The following DAB2IP variants were observed in gnomAD, a reference collection of about 807,000 sequenced individuals.
DAB2IP encodes the protein disabled homolog 2-interacting protein.
A neutral mutation model predicts 107.2 loss-of-function variants in DAB2IP; 28 were observed. That is an observed-to-expected ratio of 0.26 (90% CI 0.19 to 0.36). The LOEUF (loss-of-function observed/expected upper bound fraction) is 0.36, where lower values mean the gene tolerates loss of function less well. Among genes scored for constraint, DAB2IP ranks in the 10% least tolerant of loss-of-function variants. The pLI, the probability that DAB2IP is intolerant of heterozygous loss-of-function variation, is 1.00. For missense variants in DAB2IP, 1,400 were observed against 1,644.7 expected, an observed-to-expected ratio of 0.85 and a Z score of 2.57; for synonymous variants, 755 against 706.4, an observed-to-expected ratio of 1.07 and a Z score of -1.09.
chr9:121,731,907 C>T (rs895904559), intron 3 of DAB2IP, among the ~76,000 whole-genome samples: 2 of 152,242 alleles, frequency 1.3e-5, no homozygotes, highest in East Asian at 1.9e-4. Flanking sequence ...CCTCGGACCT[C>T]GTGTAGACAT....
chr9:121,751,995 T>C lies in DAB2IP; in HGVS notation c.363-5018T>C, dbSNP rs920707470. 4 of 985,392 alleles carry C rather than the reference T, an allele frequency of 4.1e-6. No individual in the cohort carries two copies. The East Asian group carries it at 3.4e-4, about 84-fold the overall frequency. The allele number at this position is 985,392 out of a possible 1,614,324, so 61.0% of individuals were successfully genotyped here. A position where few individuals can be genotyped will look rare whatever the true frequency, so the allele number is the denominator to read the frequency against. On this transcript the variant is annotated intron_variant, in intron 3 of 15. Transcript: ENST00000408936. ...CCATGGAGGACAGGTAAAGGGTCTC[T>C]AGTCCCTGGAGCGCTGTCATGGGGC...
chr9:121,665,985 C>G (rs1411088272), intron 1 of DAB2IP, among the ~76,000 whole-genome samples: 1 of 152,188 alleles, frequency 6.6e-6, no homozygotes, highest in Non-Finnish European at 1.5e-5. Flanking sequence ...ACTTGTAACT[C>G]AAAGCAACAG....
intron 1 of DAB2IP, among the ~76,000 whole-genome samples, chr9:121,677,757 G>T (rs923270149): frequency 6.6e-6 from 1 of 151,952 alleles, no homozygotes; most frequent in Non-Finnish European, 1.5e-5. Context: ...CGCCTCCCGG[G>T]TTCAAGTGAT....
intron 4 of DAB2IP, among the ~76,000 whole-genome samples, chr9:121,758,163 C>T (rs1464412689): frequency 6.6e-6 from 1 of 152,160 alleles, no homozygotes; most frequent in Non-Finnish European, 1.5e-5. Flanking sequence ...AGTGTGCTTC[C>T]CCTGCAGAGA....
intron 13 of DAB2IP, among the ~76,000 whole-genome samples, chr9:121,774,618 C>G (rs1835057809): frequency 6.6e-6 from 1 of 152,176 alleles, no homozygotes; most frequent in African/African-American, 2.4e-5. Flanking sequence ...CAGCTTAGAC[C>G]TGAGGCTTCC....
At chr9:121,745,701 A>C (rs552533774) in intron 3 of DAB2IP, among the ~76,000 whole-genome samples, 95 of 152,240 alleles carry the variant, frequency 6.2e-4, no homozygotes, top group African/African-American at 2.2e-3. Flanking sequence ...CCAGGAGGCA[A>C]GGGCAACCCA....
chr9:121,666,228 T>G (rs1293319019), intron 1 of DAB2IP, among the ~76,000 whole-genome samples: 1 of 152,190 alleles, frequency 6.6e-6, no homozygotes, highest in Non-Finnish European at 1.5e-5. Context: ...CTCCTTCTTG[T>G]AAAGACCCTT....
chr9:121,680,623 G>A (rs1011301857), intron 2 of DAB2IP, among the ~76,000 whole-genome samples: 3 of 152,160 alleles, frequency 2.0e-5, no homozygotes, highest in Non-Finnish European at 2.9e-5. Flanking sequence ...GCCTTCAGGG[G>A]GACCCTAGGG....
At chr9:121,763,643 G>T in exon 7 of DAB2IP, 1 of 1,612,948 alleles carries the variant, frequency 6.2e-7, no homozygotes, top group South Asian at 1.1e-5. Context: ...CCTGCAGGAC[G>T]CCCTAGGTAG....
chr9:121,729,242 A>C (rs896754592), intron 3 of DAB2IP, among the ~76,000 whole-genome samples: 1 of 152,184 alleles, frequency 6.6e-6, no homozygotes, highest in African/African-American at 2.4e-5. Flanking sequence ...ATGCCAGCTC[A>C]CAGGCTCTTT....
At chr9:121,694,096 G>A (rs899954702) in intron 2 of DAB2IP, among the ~76,000 whole-genome samples, 8 of 152,274 alleles carry the variant, frequency 5.3e-5, no homozygotes, top group South Asian at 2.1e-4. Context: ...GGGAGTGAGC[G>A]GGCCTCCCTT....
intron 2 of DAB2IP, among the ~76,000 whole-genome samples, chr9:121,685,806 G>T (rs572604494): frequency 2.0e-5 from 3 of 152,364 alleles, no homozygotes; most frequent in African/African-American, 7.2e-5. Flanking sequence ...TAATTTCCAG[G>T]CAGGTGAAGG....
At chr9:121,594,235 ATTTTT>A (rs772152487) in intron 1 of DAB2IP, among the ~76,000 whole-genome samples, 1 of 131,166 alleles carries the variant, frequency 7.6e-6, no homozygotes, top group African/African-American at 2.8e-5. Flanking sequence ...TGAATGCAGC[ATTTTT>A]TTTTTTTTTT....
At chr9:121,755,957 A>G (rs1833449416) in intron 3 of DAB2IP, among the ~76,000 whole-genome samples, 1 of 152,118 alleles carries the variant, frequency 6.6e-6, no homozygotes, top group South Asian at 2.1e-4. Context: ...GCCAAAGGGC[A>G]TAGGGCGTTG....
At chr9:121,719,425 G>C (rs932145645) in intron 3 of DAB2IP, among the ~76,000 whole-genome samples, 5 of 152,196 alleles carry the variant, frequency 3.3e-5, no homozygotes, top group African/African-American at 7.2e-5. Context: ...AGGGCATTTA[G>C]GCAGAGGGAA....
At chr9:121,685,077 C>A (rs1029861604) in intron 2 of DAB2IP, among the ~76,000 whole-genome samples, 1 of 152,106 alleles carries the variant, frequency 6.6e-6, no homozygotes, top group Admixed American at 6.5e-5. Context: ...GTCTCCTGAC[C>A]CAGCATCCGG....
At chr9:121,671,808 A>T (rs1174702850) in intron 1 of DAB2IP, among the ~76,000 whole-genome samples, 1 of 152,136 alleles carries the variant, frequency 6.6e-6, no homozygotes, top group Non-Finnish European at 1.5e-5. Context: ...GTAATGTTCT[A>T]TTGAATGACT....
chr9:121,766,867 T>G lies in DAB2IP; in HGVS notation c.1697+137T>G, dbSNP rs114469228. 2.8e-3 allele frequency: 2,228 copies of G among 808,096 alleles called. 30 individuals are homozygous for G. The African/African-American group carries it at 0.034, about 12-fold the overall frequency. The allele number at this position is 808,096 out of a possible 1,614,324, so 50.1% of individuals were successfully genotyped here. A position where few individuals can be genotyped will look rare whatever the true frequency, so the allele number is the denominator to read the frequency against. On this transcript the variant is annotated intron_variant, in intron 9 of 15. Coordinates refer to ENST00000408936, the Ensembl canonical transcript of DAB2IP. ...TTTTGTCCCTGTCATCCTCAGTCCT[T>G]CTCCTTCCCGCTTTTTAAAAAATAA...
chr9:121,778,822 G>A (rs1387754473), intron 14 of DAB2IP, among the ~76,000 whole-genome samples: 1 of 152,126 alleles, frequency 6.6e-6, no homozygotes, highest in Non-Finnish European at 1.5e-5. Context: ...GTCTGTCATT[G>A]TCTTTGTTCC....
Sources: gnomAD v4.1 joint callset for allele counts (sites outside exome capture counted in the v4.1 genomes callset) on GRCh38, gnomAD v4.1.1 for gene constraint, MANE v1.5 for transcripts, NCBI Gene and HGNC (gene_info 2026-07-23, HGNC 2026-07-21) for gene names.